Variants in MRE11 observed in about 807,000 individuals in gnomAD.
MRE11 encodes double-strand break repair protein MRE11.
In MRE11, 62 loss-of-function variants were observed where a neutral mutation model predicts 91.7. The observed-to-expected ratio is 0.68, with a 90% confidence interval of 0.55 to 0.84. The LOEUF (loss-of-function observed/expected upper bound fraction) is 0.84, where lower values mean the gene tolerates loss of function less well. Among genes scored for constraint, MRE11 ranks in the 40% least tolerant of loss-of-function variants. MRE11 has a pLI of 0.00. For synonymous variants in MRE11, 273 were observed against 271.4 expected (o/e 1.01, Z -0.06); for missense variants, 796 against 852.9 (o/e 0.93, Z 0.83).
intron 4 of MRE11, among the ~76,000 whole-genome samples, chr11:94,485,551 G>A (rs1947119477): frequency 6.7e-6 from 1 of 150,254 alleles, no homozygotes; most frequent in Admixed American, 6.6e-5. Context: ...GATACGAACA[G>A]GAGAGGATAC....
chr11:94,493,531 G>C (rs1350533407), intron 1 of MRE11: 1 of 151,994 alleles, frequency 6.6e-6, no homozygotes, highest in African/African-American at 2.4e-5. Flanking sequence ...GCCTCAACAC[G>C]CCCTCACCGC....
intron 15 of MRE11, among the ~76,000 whole-genome samples, chr11:94,446,450 A>G (rs1591653959): frequency 6.6e-6 from 1 of 152,196 alleles, no homozygotes; most frequent in African/African-American, 2.4e-5. Context: ...ATTTTTAAGG[A>G]AAAATTTTGT....
chr11:94,462,169 C>G (rs1357034831), intron 11 of MRE11, among the ~76,000 whole-genome samples: 3 of 152,146 alleles, frequency 2.0e-5, no homozygotes, highest in Non-Finnish European at 4.4e-5. Context: ...TGAGTGAACT[C>G]CCATTCACAA....
intron 10 of MRE11, 149 bp from the exon 11 acceptor site, chr11:94,464,388 T>C (rs1218369050): frequency 9.3e-7 from 1 of 1,080,174 alleles, no homozygotes; most frequent in Admixed American, 2.4e-5. Flanking sequence ...GATGGAGCTA[T>C]ATCATTTATC....
rs1207173043 is a variant in MRE11, at chr11:94,466,463, A to G, written c.1098+1350T>C. On this transcript the variant is annotated intron_variant, in intron 10 of 19. Transcript: ENST00000323929. Reference sequence around the variant, plus strand: ...GATTACCTACTGTGCAACAGACACTATTTAATCCATTTAGATCTCATAAAT... The same window carrying G: ...GATTACCTACTGTGCAACAGACACTGTTTAATCCATTTAGATCTCATAAAT... 5.7e-6 allele frequency: 3 copies of G among 530,592 alleles called. No individual in the cohort carries two copies. The African/African-American group carries it at 5.8e-5, about 10-fold the overall frequency. The allele number at this position is 530,592 out of a possible 1,614,324, so 32.9% of individuals were successfully genotyped here. A position where few individuals can be genotyped will look rare whatever the true frequency, so the allele number is the denominator to read the frequency against.
At chr11:94,488,396 G>A (rs1239341208) in intron 3 of MRE11, among the ~76,000 whole-genome samples, 6 of 152,116 alleles carry the variant, frequency 3.9e-5, no homozygotes, top group Admixed American at 1.3e-4. Context: ...GCAGTGTGAC[G>A]ATTCTTCAAA....
chr11:94,435,320 C>T (rs1173299795), intron 18 of MRE11, among the ~76,000 whole-genome samples: 3 of 152,026 alleles, frequency 2.0e-5, no homozygotes, highest in African/African-American at 7.2e-5. Context: ...TTTGGGAGGT[C>T]GAGGTGGGTG....
intron 7 of MRE11, chr11:94,475,732 T>C (rs1053060834): frequency 1.4e-5 from 6 of 424,260 alleles, no homozygotes; most frequent in African/African-American, 1.2e-4. Flanking sequence ...TGTCTAAGAA[T>C]GTTCATAACA....
the MRE11 span, among the ~76,000 whole-genome samples, chr11:94,503,128 A>T: frequency 6.6e-6 from 1 of 152,098 alleles, no homozygotes; most frequent in African/African-American, 2.4e-5. Context: ...ACGCTTGTAG[A>T]TCTCTAGAAC....
intron 14 of MRE11, among the ~76,000 whole-genome samples, chr11:94,453,798 T>C (rs967715423): frequency 6.6e-6 from 1 of 152,160 alleles, no homozygotes; most frequent in Non-Finnish European, 1.5e-5. Context: ...GTGCCTGGTA[T>C]TATATTTTGA....
At chr11:94,422,718 A>T (rs1361903448) in intron 19 of MRE11, among the ~76,000 whole-genome samples, 3 of 146,786 alleles carry the variant, frequency 2.0e-5, no homozygotes, top group African/African-American at 5.0e-5. Flanking sequence ...CAATGAAACT[A>T]TTTTTTTTTT....
At chr11:94,470,737 G>A in intron 8 of MRE11, 95 bp from the exon 9 acceptor site, 2 of 1,264,544 alleles carry the variant, frequency 1.6e-6, no homozygotes, top group Non-Finnish European at 2.3e-6. Flanking sequence ...TTCTAAAAAT[G>A]CTTCTTTATA....
intron 13 of MRE11, among the ~76,000 whole-genome samples, chr11:94,457,869 T>C (rs1025351220): frequency 4.1e-5 from 4 of 97,674 alleles, no homozygotes; most frequent in African/African-American, 8.2e-5. Flanking sequence ...TCTTTCTCTC[T>C]CTCCCTCTCT....
chr11:94,506,638 G>C, the MRE11 span, among the ~76,000 whole-genome samples: 2 of 149,980 alleles, frequency 1.3e-5, no homozygotes, highest in Non-Finnish European at 3.0e-5. Flanking sequence ...ATCAAGGCTA[G>C]AGTGCAGTGG....
chr11:94,420,771 G>A (rs1277973166), intron 19 of MRE11, among the ~76,000 whole-genome samples: 1 of 152,040 alleles, frequency 6.6e-6, no homozygotes, highest in Non-Finnish European at 1.5e-5. Flanking sequence ...GGTGGCTCAC[G>A]CCTGTAATCC....
Position 94,429,998 on chromosome 11 carries a change from C to A in MRE11, c.1995-12G>T. Reference sequence around the variant, plus strand: ...ATGTGCTGGACCACCTGAGGCAAAACAAAAACAAAAACAAACACAATGAAC... The same window carrying A: ...ATGTGCTGGACCACCTGAGGCAAAAAAAAAACAAAAACAAACACAATGAAC... On this transcript the variant is annotated splice_polypyrimidine_tract_variant and intron_variant, in intron 18 of 19. Transcript: ENST00000323929. The A allele has an allele frequency of 6.2e-7, 1 of 1,609,658 alleles. No individual in the cohort carries two copies. Among genetic ancestry groups the A allele is most frequent in the Non-Finnish European group, 8.5e-7 (1 of 1,176,708 alleles).
upstream of MRE11, among the ~76,000 whole-genome samples, chr11:94,496,311 C>T (rs36111467): frequency 0.032 from 4,838 of 152,208 alleles, 177 homozygotes; most frequent in African/African-American, 0.084. Flanking sequence ...AACCTTTAAG[C>T]ATTCATCACT....
chr11:94,437,129 C>T, intron 17 of MRE11, 48 bp downstream of exon 17: 1 of 1,482,352 alleles, frequency 6.7e-7, no homozygotes, highest in Non-Finnish European at 9.4e-7. Context: ...ATTCATAATG[C>T]AGAAAACATA....
intron 3 of MRE11, among the ~76,000 whole-genome samples, chr11:94,486,718 T>C (rs562151189): frequency 1.2e-4 from 18 of 152,224 alleles, no homozygotes; most frequent in African/African-American, 4.1e-4. Context: ...TACGATGAAT[T>C]TGAACTCAAG....
Sources: gnomAD v4.1 joint callset for allele counts (sites outside exome capture counted in the v4.1 genomes callset) on GRCh38, gnomAD v4.1.1 for gene constraint, MANE v1.5 for transcripts, NCBI Gene and HGNC (gene_info 2026-07-23, HGNC 2026-07-21) for gene names.